The following AJM1 variants were observed in gnomAD, a reference collection of about 807,000 sequenced individuals.
The protein encoded by AJM1 is apical junction component 1 homolog.
A neutral mutation model predicts 43.0 loss-of-function variants in AJM1; 22 were observed. The ratio of observed to expected loss-of-function variants is 0.51; its 90% confidence interval spans 0.37 to 0.73. AJM1 has a LOEUF of 0.73. Ranked by LOEUF, AJM1 falls within the 30% of genes least tolerant of loss-of-function variation. The pLI, the probability that AJM1 is intolerant of heterozygous loss-of-function variation, is 0.00. For synonymous variants in AJM1, 719 were observed against 638.3 expected (o/e 1.13, Z -1.91); for missense variants, 1,305 against 1,343.3 (o/e 0.97, Z 0.45).
At position 136,847,022 on chromosome 9, in the gene AJM1, A is replaced by G; in HGVS notation, c.2608A>G (p.Met870Val). ...PPPARSREPDMETLILTPPPG... is the reference protein window; with the variant it reads ...PPPARSREPDVETLILTPPPG... The stretch of plus-strand genomic sequence containing the variant: ...CCCGGCGCGGAGCCGCGAGCCCGAC[A>G]TGGAGACGCTGATCCTGACGCCACC... The change falls in exon 3 of 3, where the codon ATG becomes GTG. Residue 870 changes from methionine to valine, a missense_variant. Around this residue, in one of 6 missense-constraint regions of AJM1, gnomAD observed 391 missense variants for 507.5 expected, o/e 0.77. Coordinates refer to ENST00000436881, the MANE Select transcript of AJM1 (RefSeq NM_001080482.5). 7.9e-7 allele frequency: 1 copy of G among 1,265,236 alleles called. No homozygotes were observed. The highest frequency in any genetic ancestry group is 1.1e-6 in the Non-Finnish European group (1 of 951,214). The allele number at this position is 1,265,236 out of a possible 1,614,324, so 78.4% of individuals were successfully genotyped here.
At chr9:136,843,976 G>A (rs1035214276) in intron 1 of AJM1, among the ~76,000 whole-genome samples, 1 of 152,158 alleles carries the variant, frequency 6.6e-6, no homozygotes, top group Non-Finnish European at 1.5e-5. Flanking sequence ...GCAGCCCCAG[G>A]ACCACGCCCC....
rs1295263653 is a variant in AJM1, at chr9:136,846,745, C to A, written c.2331C>A (p.Pro777=). 2 of 1,601,326 alleles carry A rather than the reference C, an allele frequency of 1.2e-6. No homozygotes were observed. Among genetic ancestry groups the A allele is most frequent in the East Asian group, 4.5e-5 (2 of 44,666 alleles). Residue 777 remains proline (P), a synonymous_variant, in exon 3 of 3, where the codon CCC becomes CCA. Transcript: ENST00000436881. ...GCCTGGAGGGGCTGCTGCTATCCCC[C>A]ACCTACCTATCGCTGCGTGAGCTGG... is the stretch of plus-strand genomic sequence containing the variant. ...RFGLEGLLLS[P]TYLSLRELAT...
In AJM1 at chr9:136,844,933, G is replaced by A. The variant is rs1315037577; in HGVS notation, c.519G>A (p.Pro173=). The A allele has an allele frequency of 2.6e-5, 11 of 427,662 alleles. No individual in the cohort carries two copies. Among genetic ancestry groups the A allele is most frequent in the East Asian group, 2.4e-4 (6 of 25,208 alleles). 26.5% of individuals were successfully genotyped at this position (427,662 alleles called of 1,614,324 possible). Reference sequence around the variant, plus strand: ...GCGCCGCCGCGGGCCGCTGCGCACCGCCCGAGCCACCCGCGGGTCCCGCCC... The same window carrying A: ...GCGCCGCCGCGGGCCGCTGCGCACCACCCGAGCCACCCGCGGGTCCCGCCC... The part of the protein sequence containing the change: ...PLCAAAGRCA[P]PEPPAGPAPH... Residue 173 remains proline, a synonymous_variant, in exon 3 of 3, where the codon CCG becomes CCA. Transcript: ENST00000436881.
At position 136,845,870 on chromosome 9, in the gene AJM1, G is replaced by A. The variant is rs1201231888; in HGVS notation, c.1456G>A (p.Glu486Lys). The change falls in exon 3 of 3, where the codon GAA becomes AAA. Residue 486 changes from glutamate (E) to lysine (K), a missense_variant. Physicochemically the swap from Glu to Lys is moderately conservative, Grantham distance 56 (BLOSUM62 1). Coordinates refer to ENST00000436881, the MANE Select transcript of AJM1 (RefSeq NM_001080482.5). ...GCGGGAGCCGCGAGGCGTGTCCCCC[G>A]AAGGCCGGCGCCCGCCCGTCGTCGT... ...EVREPRGVSPEGRRPPVVVNL... is the reference protein window; with the variant it reads ...EVREPRGVSPKGRRPPVVVNL... 1 of 1,558,974 alleles carries A rather than the reference G, an allele frequency of 6.4e-7. No homozygotes were observed. The highest frequency in any genetic ancestry group is 8.7e-7 in the Non-Finnish European group (1 of 1,153,546).
chr9:136,845,522 ACCG>A lies in AJM1; in HGVS notation c.1111_1113del (p.Ala371del). ...CCCCGAGGAGCCCCGGGCCCACTCC[ACCG>A]CCCGCCCCTTTTACACGGAGGACTT... On this transcript the variant is annotated inframe_deletion, in exon 3 of 3. Transcript: ENST00000436881. 1 of 1,596,166 alleles carries A rather than the reference ACCG, an allele frequency of 6.3e-7. No homozygotes were observed. The highest frequency in any genetic ancestry group is 8.5e-7 in the Non-Finnish European group (1 of 1,172,644).
Position 136,846,452 on chromosome 9 carries a change from T to C in AJM1, c.2038T>C (p.Cys680Arg). ...GCGCACCGAGACCATGTTCAACGCC[T>C]GCCTCTACTTCAAGTCCTGCCACAG... ...CRRTETMFNACLYFKSCHSCY... is the reference protein window; with the variant it reads ...CRRTETMFNARLYFKSCHSCY... The change falls in exon 3 of 3, where the codon TGC becomes CGC. Residue 680 changes from cysteine (C) to arginine (R), a missense_variant. By Grantham distance (180) the Cys-to-Arg change is radical. Coordinates refer to ENST00000436881, the MANE Select transcript of AJM1 (RefSeq NM_001080482.5). 6.3e-7 allele frequency: 1 copy of C among 1,593,892 alleles called. No homozygotes were observed. The highest frequency in any genetic ancestry group is 8.5e-7 in the Non-Finnish European group (1 of 1,178,184).
At position 136,844,933 on chromosome 9, in the gene AJM1, G is replaced by T. The variant is rs1315037577; in HGVS notation, c.519G>T (p.Pro173=). 1.4e-5 allele frequency: 6 copies of T among 427,662 alleles called. No homozygotes were observed. The East Asian group carries it at 2.4e-4, about 17-fold the overall frequency. The allele number at this position is 427,662 out of a possible 1,614,324, so 26.5% of individuals were successfully genotyped here. The change falls in exon 3 of 3, where the codon CCG becomes CCT. Residue 173 remains proline (P), a synonymous_variant. Coordinates refer to ENST00000436881, the MANE Select transcript of AJM1 (RefSeq NM_001080482.5). Reference sequence around the variant, plus strand: ...GCGCCGCCGCGGGCCGCTGCGCACCGCCCGAGCCACCCGCGGGTCCCGCCC... The same window carrying T: ...GCGCCGCCGCGGGCCGCTGCGCACCTCCCGAGCCACCCGCGGGTCCCGCCC... ...PLCAAAGRCA[P]PEPPAGPAPH...
chr9:136,844,507 A>T lies in AJM1; in HGVS notation c.93A>T (p.Pro31=). 1 of 1,609,558 alleles carries T rather than the reference A, an allele frequency of 6.2e-7. No individual in the cohort carries two copies. Among genetic ancestry groups the T allele is most frequent in the Non-Finnish European group, 8.5e-7 (1 of 1,178,830 alleles). ...ATPGPASKCS[P]CERSVARPAE... ...CGGGACCCGCGTCCAAGTGCTCGCC[A>T]TGTGAGCGATCCGTGGCCCGGCCTG... The change falls in exon 3 of 3, where the codon CCA becomes CCT. Residue 31 remains proline (P), a synonymous_variant. Transcript: ENST00000436881.
At position 136,846,481 on chromosome 9, in the gene AJM1, C is replaced by T. The variant is rs1273883588; in HGVS notation, c.2067C>T (p.Cys689=). The T allele has an allele frequency of 6.3e-7, 1 of 1,592,338 alleles. No individual in the cohort carries two copies. Among genetic ancestry groups the T allele is most frequent in the East Asian group, 2.2e-5 (1 of 44,778 alleles). ...ACLYFKSCHS[C]YTYYCSRLCR... ...TCTACTTCAAGTCCTGCCACAGCTG[C>T]TACACCTACTACTGCTCGCGCCTGT... Residue 689 remains cysteine (C), a synonymous_variant, in exon 3 of 3, where the codon TGC becomes TGT. Coordinates refer to ENST00000436881, the MANE Select transcript of AJM1 (RefSeq NM_001080482.5).
rs762991487 is a variant in AJM1 at position 136,845,532 on chromosome 9, C to A, written c.1118C>A (p.Pro373His). Residue 373 changes from proline (P) to histidine (H), a missense_variant, in exon 3 of 3, where the codon CCC becomes CAC. Coordinates refer to ENST00000436881, the MANE Select transcript of AJM1 (RefSeq NM_001080482.5). ...EEPRAHSTAR[P>H]FYTEDFGRYR... ...CCCCGGGCCCACTCCACCGCCCGCC[C>A]CTTTTACACGGAGGACTTCGGAAGG... 2 of 1,597,654 alleles carry A rather than the reference C, an allele frequency of 1.3e-6. No individual in the cohort carries two copies. The highest frequency in any genetic ancestry group is 2.2e-5 in the South Asian group (2 of 89,186).
chr9:136,842,768 C>T (rs1449778274), intron 1 of AJM1, among the ~76,000 whole-genome samples, 179 bp downstream of exon 1: 2 of 152,118 alleles, frequency 1.3e-5, no homozygotes, highest in Non-Finnish European at 2.9e-5. Context: ...TGGGGAAGGC[C>T]GCCAGCCATC....
chr9:136,846,133 C>G lies in AJM1; in HGVS notation c.1719C>G (p.Arg573=). 1.3e-6 allele frequency: 2 copies of G among 1,529,428 alleles called. No individual in the cohort carries two copies. Among genetic ancestry groups the G allele is most frequent in the Non-Finnish European group, 1.7e-6 (2 of 1,143,610 alleles). The allele number at this position is 1,529,428 out of a possible 1,614,324, so 94.7% of individuals were successfully genotyped here. Residue 573 remains arginine (R), a synonymous_variant, in exon 3 of 3, where the codon CGC becomes CGG. Coordinates refer to ENST00000436881, the MANE Select transcript of AJM1 (RefSeq NM_001080482.5). Reference sequence around the variant, plus strand: ...CCCCCGACGGCCCCACCTCTGGCCGCCAGCGGAGCCTAGAGCAGCTGGACG... The same window carrying G: ...CCCCCGACGGCCCCACCTCTGGCCGGCAGCGGAGCCTAGAGCAGCTGGACG... ...HAAPDGPTSG[R]QRSLEQLDEL... is the part of the protein sequence containing the mutation.
In AJM1 at chr9:136,848,317, C is replaced by G. The variant is rs886472180; in HGVS notation, c.*972C>G. On this transcript the variant is annotated 3_prime_UTR_variant, in exon 3 of 3. Transcript: ENST00000436881. The stretch of plus-strand genomic sequence containing the variant: ...GAGAGCTAGTTGGTAAGCGTGGAAG[C>G]CCACCCGAGGGGGCTTGACCTGTCC... 2.6e-5 allele frequency: 4 copies of G among 152,442 alleles called. No homozygotes were observed. The highest frequency in any genetic ancestry group is 1.9e-4 in the East Asian group (1 of 5,172). The allele number at this position is 152,442 out of a possible 1,614,324, so 9.4% of individuals were successfully genotyped here. A position where few individuals can be genotyped will look rare whatever the true frequency, so the allele number is the denominator to read the frequency against.
In AJM1 at chr9:136,846,820, TG is replaced by T; in HGVS notation, c.2409del (p.Arg804AlafsTer47). ...GSYARELAAA[G>X]RLYEPAECFL... The stretch of plus-strand genomic sequence containing the variant: ...GCTACGCGCGCGAGCTGGCGGCCGC[TG>T]GGCGCCTCTACGAACCGGCAGAGTG... On this transcript the variant is annotated frameshift_variant, in exon 3 of 3. Transcript: ENST00000436881. LOFTEE classifies it high-confidence loss of function. 1 of 1,590,028 alleles carries T rather than the reference TG, an allele frequency of 6.3e-7. No homozygotes were observed.
chr9:136,845,036 G>C lies in AJM1; in HGVS notation c.622G>C (p.Gly208Arg), dbSNP rs773237732. ...QHATRGSRSC[G>R]PTEAAHWARP... ...CGCCACCCGGGGCTCGCGGTCCTGC[G>C]GGCCCACCGAGGCCGCGCACTGGGC... The change falls in exon 3 of 3, where the codon GGG becomes CGG. Residue 208 changes from glycine to arginine, a missense_variant. Physicochemically the swap from Gly to Arg is moderately radical, Grantham distance 125 (BLOSUM62 -2). Coordinates refer to ENST00000436881, the MANE Select transcript of AJM1 (RefSeq NM_001080482.5). The C allele has an allele frequency of 2.7e-6, 2 of 747,860 alleles. No individual in the cohort carries two copies. Among genetic ancestry groups the C allele is most frequent in the South Asian group, 3.1e-5 (2 of 63,526 alleles). The allele number at this position is 747,860 out of a possible 1,614,324, so 46.3% of individuals were successfully genotyped here.
Position 136,845,622 on chromosome 9 carries a change from A to G in AJM1, c.1208A>G (p.Asp403Gly). 1 of 1,578,670 alleles carries G rather than the reference A, an allele frequency of 6.3e-7. No homozygotes were observed. Among genetic ancestry groups the G allele is most frequent in the East Asian group, 2.3e-5 (1 of 43,426 alleles). Residue 403 changes from aspartate to glycine, a missense_variant, in exon 3 of 3, where the codon GAC (aspartate) becomes GGC (glycine). Around this residue, in one of 6 missense-constraint regions of AJM1, gnomAD observed 653 missense variants for 549.1 expected, o/e 1.19. Coordinates refer to ENST00000436881, the MANE Select transcript of AJM1 (RefSeq NM_001080482.5). ...PHPRSSPAWA[D>G]WGPRPYRTLQ... ...CCGCGCAGCAGCCCGGCCTGGGCGG[A>G]CTGGGGCCCGCGACCGTACCGCACC...
chr9:136,845,488 C>T lies in AJM1; in HGVS notation c.1074C>T (p.Pro358=), dbSNP rs1363734382. Residue 358 remains proline (P), a synonymous_variant, in exon 3 of 3, where the codon CCC becomes CCT. Coordinates refer to ENST00000436881, the MANE Select transcript of AJM1 (RefSeq NM_001080482.5). ...GAGCCTACGGCCTGCCCTACGGGCC[C>T]CGCTATGTCCCCGAGGAGCCCCGGG... ...APRAYGLPYG[P]RYVPEEPRAH... 2.5e-6 allele frequency: 4 copies of T among 1,605,512 alleles called. No individual in the cohort carries two copies. The South Asian group carries it at 4.4e-5, about 18-fold the overall frequency.
chr9:136,846,694 C>G lies in AJM1; in HGVS notation c.2280C>G (p.Gly760=), dbSNP rs180771783. ...GVLFLGFPSP[G]SADNFLRFGL... ...TCTTCCTGGGCTTCCCAAGTCCAGG[C>G]TCGGCCGACAACTTCCTGCGCTTTG... is the stretch of plus-strand genomic sequence containing the variant. Residue 760 remains glycine, a synonymous_variant, in exon 3 of 3, where the codon GGC becomes GGG. Coordinates refer to ENST00000436881, the MANE Select transcript of AJM1 (RefSeq NM_001080482.5). 8.0e-4 allele frequency: 1,285 copies of G among 1,604,120 alleles called. 12 individuals carry two copies. In the African/African-American group the frequency reaches 0.015, roughly 19 times the overall value.
In AJM1 at chr9:136,847,065, T is replaced by C; in HGVS notation, c.2651T>C (p.Leu884Pro). The change falls in exon 3 of 3, where the codon CTG becomes CCG. Residue 884 changes from leucine (L) to proline (P), a missense_variant. Around this residue, in one of 6 missense-constraint regions of AJM1, gnomAD observed 391 missense variants for 507.5 expected, o/e 0.77. Coordinates refer to ENST00000436881, the MANE Select transcript of AJM1 (RefSeq NM_001080482.5). ...ILTPPPGTAG[L>P]DQDGEAGRRA... ...ACGCCACCGCCGGGCACGGCGGGCC[T>C]GGATCAGGACGGCGAGGCGGGCCGG... 7.0e-7 allele frequency: 1 copy of C among 1,426,814 alleles called. No homozygotes were observed. Among genetic ancestry groups the C allele is most frequent in the Non-Finnish European group, 9.4e-7 (1 of 1,067,314 alleles). 88.4% of individuals were successfully genotyped at this position (1,426,814 alleles called of 1,614,324 possible). A position where few individuals can be genotyped will look rare whatever the true frequency, so the allele number is the denominator to read the frequency against.
Sources: allele counts gnomAD v4.1 joint callset (sites outside exome capture counted in the v4.1 genomes callset), GRCh38; gene constraint gnomAD v4.1.1; regional missense constraint gnomAD v4.1.1; transcripts MANE v1.5; gene names NCBI Gene and HGNC (gene_info 2026-07-23, HGNC 2026-07-21).